The following ARPC5L variants were observed in gnomAD, a reference collection of about 807,000 sequenced individuals.
ARPC5L encodes the protein actin related protein 2/3 complex subunit 5 like, also known as actin-related protein 2/3 complex subunit 5-like protein.
ARPC5L carries 4 observed loss-of-function variants against 16.9 expected under a neutral mutation model. That is an observed-to-expected ratio of 0.24 (90% CI 0.12 to 0.54). The LOEUF is 0.54. Among genes scored for constraint, ARPC5L ranks in the 20% least tolerant of loss-of-function variants. ARPC5L has a pLI of 0.95. For missense variants in ARPC5L, 151 were observed against 201.9 expected, an observed-to-expected ratio of 0.75 and a Z score of 1.53; for synonymous variants, 78 against 82.6, an observed-to-expected ratio of 0.94 and a Z score of 0.30.
intron 1 of ARPC5L, 136 bp from the exon 2 acceptor site, chr9:124,863,847 TTGTCC>T (rs955545810): frequency 3.9e-5 from 6 of 152,260 alleles, no homozygotes; most frequent in African/African-American, 1.4e-4. Flanking sequence ...TGAAGCCAGA[TTGTCC>T]TCTTGTTACT....
intron 3 of ARPC5L, among the ~76,000 whole-genome samples, chr9:124,870,840 G>C (rs1229160156): frequency 6.6e-6 from 1 of 152,184 alleles, no homozygotes. Context: ...CTTGTTGAAG[G>C]TCATGTCTTG....
chr9:124,862,613 G>T (rs1829218624), intron 1 of ARPC5L, among the ~76,000 whole-genome samples: 1 of 151,234 alleles, frequency 6.6e-6, no homozygotes, highest in Non-Finnish European at 1.5e-5. Context: ...CGCCTCCCGG[G>T]TTCAGCGATT....
chr9:124,870,140 C>T (rs1053689682), intron 3 of ARPC5L, among the ~76,000 whole-genome samples: 1 of 152,218 alleles, frequency 6.6e-6, no homozygotes, highest in Non-Finnish European at 1.5e-5. Flanking sequence ...CCCCAGTACC[C>T]TTCTGGTGCA....
rs549361875 is a variant in ARPC5L, at chr9:124,865,909, A to G, written c.-864+1802A>G. Among the ~76,000 whole-genome samples the G allele has an allele frequency of 2.0e-3, 303 of 152,074 alleles. 1 individual carries two copies. Among genetic ancestry groups the G allele is most frequent in the South Asian group, 2.7e-3 (13 of 4,812 alleles). On this transcript the variant is annotated intron_variant, in intron 2 of 5. Transcript: ENST00000353214. ...ATCATGAGGTCACGAGTTCGAGACC[A>G]GCCTGACCAACATGGTGAAAACCTG...
chr9:124,874,608 C>T (rs902729995), intron 4 of ARPC5L, among the ~76,000 whole-genome samples: 1 of 152,074 alleles, frequency 6.6e-6, no homozygotes, highest in Admixed American at 6.6e-5. Context: ...ATTGCTTGAG[C>T]CTGGGAGAGG....
At chr9:124,863,590 T>G (rs1452166009) in intron 1 of ARPC5L, among the ~76,000 whole-genome samples, 1 of 152,188 alleles carries the variant, frequency 6.6e-6, no homozygotes, top group Non-Finnish European at 1.5e-5. Context: ...TTATGAGAAT[T>G]AGAGGAGATA....
At chr9:124,871,092 A>G (rs748069631) in intron 3 of ARPC5L, among the ~76,000 whole-genome samples, 9 of 152,192 alleles carry the variant, frequency 5.9e-5, no homozygotes, top group Non-Finnish European at 1.2e-4. Flanking sequence ...AGTCTCTATC[A>G]TGTACCAAGA....
rs565404837 is a variant in ARPC5L, at chr9:124,869,139, G to A, written c.-152G>A. On this transcript the variant is annotated 5_prime_UTR_variant, in exon 3 of 6. Transcript: ENST00000353214. ...GATCCGGCGGGTGCCGGAAGTGGGCGGGCGGCGGCGGCTGCGCGCGGAGGC... is the reference window on the plus strand; with the variant it reads ...GATCCGGCGGGTGCCGGAAGTGGGCAGGCGGCGGCGGCTGCGCGCGGAGGC... 2.0e-5 allele frequency: 19 copies of A among 932,462 alleles called. No homozygotes were observed. In the South Asian group the frequency reaches 7.5e-4, roughly 37 times the overall value. 57.8% of individuals were successfully genotyped at this position (932,462 alleles called of 1,614,324 possible).
At chr9:124,875,212 C>T (rs1829414717) in intron 5 of ARPC5L, 61 bp downstream of exon 5, 2 of 1,563,496 alleles carry the variant, frequency 1.3e-6, no homozygotes, top group Middle Eastern at 2.1e-4. Context: ...GTTCGATCAG[C>T]AGGCCAGATT....
At chr9:124,874,509 A>G (rs143981182) in intron 4 of ARPC5L, among the ~76,000 whole-genome samples, 98 of 152,276 alleles carry the variant, frequency 6.4e-4, no homozygotes, top group Admixed American at 2.5e-3. Context: ...CCTGGGCAAC[A>G]TAGCGAGACT....
rs3832630 is a variant in ARPC5L at position 124,875,666 on chromosome 9, CTG to C, written c.399+519_399+520del. Among the ~76,000 whole-genome samples the C allele has an allele frequency of 1.8e-3, 277 of 152,346 alleles. 4 individuals are homozygous for C. The East Asian group carries it at 0.042, about 23-fold the overall frequency. ...CTTCGTCCAGGTGAAGCAGAAAGAG[CTG>C]TGTCTGCCCTTCGCTTGGGTCCGTG... is the stretch of plus-strand genomic sequence containing the variant. On this transcript the variant is annotated intron_variant, in intron 5 of 5. Transcript: ENST00000353214.
intron 4 of ARPC5L, among the ~76,000 whole-genome samples, chr9:124,874,052 G>A (rs552795642): frequency 7.2e-5 from 11 of 152,302 alleles, no homozygotes; most frequent in African/African-American, 2.4e-4. Flanking sequence ...GGATGAATTC[G>A]CTCACCTGTG....
In ARPC5L at chr9:124,874,967, G is replaced by A. The variant is rs377260680; in HGVS notation, c.223-8G>A. 41 of 1,613,320 alleles carry A rather than the reference G, an allele frequency of 2.5e-5. No homozygotes were observed. The highest frequency in any genetic ancestry group is 6.6e-5 in the South Asian group (6 of 91,034). ...CTCTGGGACTCACTTGCTCTTTTTC[G>A]TCTGCAGGAGCGAGCCCAGGGCGTG... On this transcript the variant is annotated splice_region_variant and splice_polypyrimidine_tract_variant and intron_variant, in intron 4 of 5. Coordinates refer to ENST00000353214, the MANE Select transcript of ARPC5L (RefSeq NM_030978.3).
rs561621827 is a variant in ARPC5L, at chr9:124,867,561, T to C, written c.-863-867T>C. ...GATTTTTAAATTGTGTCTCCCTGGCTGGAATGAAAGTCCATGACCATGAGC... is the reference window on the plus strand; with the variant it reads ...GATTTTTAAATTGTGTCTCCCTGGCCGGAATGAAAGTCCATGACCATGAGC... On this transcript the variant is annotated intron_variant, in intron 2 of 5. Transcript: ENST00000353214. Among the ~76,000 whole-genome samples, 10 of 150,804 alleles carry C rather than the reference T, an allele frequency of 6.6e-5. No individual in the cohort carries two copies. In the South Asian group the frequency reaches 2.1e-3, roughly 31 times the overall value.
intron 3 of ARPC5L, among the ~76,000 whole-genome samples, chr9:124,871,989 C>T (rs1452731505): frequency 1.3e-5 from 2 of 152,112 alleles, no homozygotes; most frequent in African/African-American, 2.4e-5. Context: ...CTAAAGCCAG[C>T]CAAGTATGAC....
intron 5 of ARPC5L, among the ~76,000 whole-genome samples, chr9:124,875,696 A>C (rs1829423696): frequency 1.3e-5 from 2 of 152,184 alleles, no homozygotes; most frequent in African/African-American, 4.8e-5. Flanking sequence ...GGTCCGTGTG[A>C]GAGCAAGGCC....
Position 124,876,982 on chromosome 9 carries a change from A to G in ARPC5L, c.*42A>G. 2.6e-6 allele frequency: 4 copies of G among 1,539,312 alleles called. No individual in the cohort carries two copies. The highest frequency in any genetic ancestry group is 3.6e-6 in the Non-Finnish European group (4 of 1,125,308). ...CATGTTACCTTGAGAAGAATTCTGG[A>G]TGCCCAGGCTGGTGAAGAAGGGATT... On this transcript the variant is annotated 3_prime_UTR_variant, in exon 6 of 6. Coordinates refer to ENST00000353214, the MANE Select transcript of ARPC5L (RefSeq NM_030978.3).
chr9:124,872,062 C>T (rs1336772080), intron 3 of ARPC5L, among the ~76,000 whole-genome samples: 9 of 152,210 alleles, frequency 5.9e-5, no homozygotes, highest in Non-Finnish European at 2.9e-5. Context: ...CATCTCCCAA[C>T]TGCTGAAGGC....
chr9:124,872,171 C>G (rs766449387), intron 3 of ARPC5L, among the ~76,000 whole-genome samples: 6 of 152,300 alleles, frequency 3.9e-5, no homozygotes, highest in Admixed American at 6.5e-5. Context: ...TTATACCTGC[C>G]CTTCCCCATC....
Sources: allele counts gnomAD v4.1 joint callset (sites outside exome capture counted in the v4.1 genomes callset), GRCh38; gene constraint gnomAD v4.1.1; transcripts MANE v1.5; gene names NCBI Gene and HGNC (gene_info 2026-07-23, HGNC 2026-07-21).